SPECC1: variants seen among roughly 807,000 people sequenced by gnomAD.
The protein encoded by SPECC1 is sperm antigen with calponin homology and coiled-coil domains 1.
Under a neutral mutation model 104.1 loss-of-function variants are expected in SPECC1, and 62 were observed. The observed-to-expected ratio is 0.60, with a 90% CI of 0.49 to 0.74. The LOEUF (loss-of-function observed/expected upper bound fraction) is 0.74. Ranked by LOEUF, SPECC1 falls within the 30% of genes least tolerant of loss-of-function variation. The probability of loss-of-function intolerance (pLI) is 0.00; values close to 1 mark genes in which losing one functional copy is unlikely to be tolerated. For missense variants in SPECC1, 1,306 were observed against 1,310.5 expected (o/e 1.00, Z 0.05); for synonymous variants, 513 against 501.6 (o/e 1.02, Z -0.30).
chr17:20,108,072 T>C (rs955185992), intron 2 of SPECC1, among the ~76,000 whole-genome samples: 1 of 152,158 alleles, frequency 6.6e-6, no homozygotes, highest in Non-Finnish European at 1.5e-5. Context: ...GTTTAATGAG[T>C]AGACTTTATT....
chr17:20,163,129 A>G (rs951554705), intron 3 of SPECC1, among the ~76,000 whole-genome samples: 1 of 152,248 alleles, frequency 6.6e-6, no homozygotes, highest in Non-Finnish European at 1.5e-5. Flanking sequence ...AATAAATGTC[A>G]GTGGGTTAAG....
chr17:20,063,890 G>A (rs1469622356), intron 1 of SPECC1, among the ~76,000 whole-genome samples: 1 of 152,210 alleles, frequency 6.6e-6, no homozygotes, highest in Admixed American at 6.5e-5. Flanking sequence ...GCTTTGAGAG[G>A]TTTGAAAAGA....
chr17:20,021,591 G>T (rs1186304033), intron 1 of SPECC1, among the ~76,000 whole-genome samples: 1 of 150,836 alleles, frequency 6.6e-6, no homozygotes, highest in Non-Finnish European at 1.5e-5. Flanking sequence ...ACCAAGTACT[G>T]CCAGATTGCT....
At chr17:20,292,067 TC>T (rs1246590849) in intron 12 of SPECC1, among the ~76,000 whole-genome samples, 2 of 151,940 alleles carry the variant, frequency 1.3e-5, no homozygotes, top group Non-Finnish European at 2.9e-5. Context: ...TGGCTTGCTT[TC>T]TTCCAGGTCA....
At chr17:20,021,822 C>T (rs2044400936) in intron 1 of SPECC1, among the ~76,000 whole-genome samples, 1 of 147,978 alleles carries the variant, frequency 6.8e-6, no homozygotes, top group Non-Finnish European at 1.5e-5. Context: ...AGGCGTGAGC[C>T]ACTGCACCCG....
chr17:20,049,478 C>T (rs142628930), intron 1 of SPECC1, among the ~76,000 whole-genome samples: 21 of 152,244 alleles, frequency 1.4e-4, no homozygotes, highest in African/African-American at 5.1e-4. Flanking sequence ...TTTGTATTCT[C>T]TGTGAACTAC....
At chr17:20,194,558 G>C (rs1189373363) in intron 3 of SPECC1, among the ~76,000 whole-genome samples, 1 of 127,766 alleles carries the variant, frequency 7.8e-6, no homozygotes, top group Non-Finnish European at 1.6e-5. Flanking sequence ...CCAGGCTGGA[G>C]TGCAGTGACA....
chr17:20,053,659 A>G (rs1027570479), intron 1 of SPECC1, among the ~76,000 whole-genome samples: 1 of 152,314 alleles, frequency 6.6e-6, no homozygotes, highest in Non-Finnish European at 1.5e-5. Context: ...TTGGCAATGA[A>G]TTGAGATCTC....
At chr17:20,134,395 C>G (rs1326294945) in intron 3 of SPECC1, among the ~76,000 whole-genome samples, 1 of 151,886 alleles carries the variant, frequency 6.6e-6, no homozygotes, top group Non-Finnish European at 1.5e-5. Context: ...ACCAACCCAC[C>G]CCTCTGCATG....
chr17:20,249,846 G>A (rs986413607), intron 9 of SPECC1, among the ~76,000 whole-genome samples: 3 of 152,092 alleles, frequency 2.0e-5, no homozygotes, highest in Admixed American at 6.6e-5. Context: ...ATGTGTAATT[G>A]GAGTCCCCAA....
rs193028971 is a variant in SPECC1, at chr17:20,107,691, A to C, written c.148-2736A>C. Among the ~76,000 whole-genome samples, 645 of 151,914 alleles carry C rather than the reference A, an allele frequency of 4.2e-3. 5 individuals are homozygous for C. The highest frequency in any genetic ancestry group is 0.015 in the African/African-American group (612 of 41,424). ...AGGCTCATCTCGAACTCACCTGGCTAATTTTTGTATTTTTAGTAGAGATGG... is the reference window on the plus strand; with the variant it reads ...AGGCTCATCTCGAACTCACCTGGCTCATTTTTGTATTTTTAGTAGAGATGG... On this transcript the variant is annotated intron_variant, in intron 2 of 14. Transcript: ENST00000395527.
At chr17:20,295,609 T>C (rs898866370) in intron 12 of SPECC1, among the ~76,000 whole-genome samples, 6 of 152,246 alleles carry the variant, frequency 3.9e-5, no homozygotes, top group Non-Finnish European at 8.8e-5. Context: ...TCTTCCACAA[T>C]GGTTGAACTA....
intron 12 of SPECC1, among the ~76,000 whole-genome samples, chr17:20,282,903 G>A (rs769244455): frequency 1.1e-4 from 16 of 152,292 alleles, no homozygotes; most frequent in South Asian, 2.1e-4. Flanking sequence ...GGCTGGGTGC[G>A]TGCAGTGGCT....
chr17:20,306,658 G>A (rs774414655), intron 14 of SPECC1, among the ~76,000 whole-genome samples: 29 of 152,256 alleles, frequency 1.9e-4, no homozygotes, highest in Non-Finnish European at 2.9e-4. Flanking sequence ...GCGCACGTGC[G>A]CGCAGAGAGA....
intron 3 of SPECC1, among the ~76,000 whole-genome samples, chr17:20,119,850 A>AT (rs1342472142): frequency 1.3e-5 from 2 of 152,244 alleles, no homozygotes; most frequent in Non-Finnish European, 2.9e-5. Context: ...CAGGCTGAAC[A>AT]TCCCAAATCC....
At chr17:20,287,509 T>C (rs567640609) in intron 12 of SPECC1, among the ~76,000 whole-genome samples, 1 of 151,472 alleles carries the variant, frequency 6.6e-6, no homozygotes, top group Admixed American at 6.6e-5. Context: ...TCAATTCATC[T>C]CTTTTCTGCA....
chr17:20,092,379 T>A (rs891865112), intron 1 of SPECC1, among the ~76,000 whole-genome samples: 2 of 150,192 alleles, frequency 1.3e-5, no homozygotes, highest in Non-Finnish European at 3.0e-5. Flanking sequence ...CTAATTCATA[T>A]CCATAAGAAA....
chr17:20,243,712 T>G (rs967469017), intron 7 of SPECC1, among the ~76,000 whole-genome samples: 1 of 152,224 alleles, frequency 6.6e-6, no homozygotes, highest in Non-Finnish European at 1.5e-5. Context: ...ACCTGAAGCC[T>G]GAGGTAATTG....
chr17:20,287,584 C>G (rs1010002653), intron 12 of SPECC1, among the ~76,000 whole-genome samples: 1 of 152,162 alleles, frequency 6.6e-6, no homozygotes, highest in East Asian at 1.9e-4. Flanking sequence ...TACTGACCCC[C>G]TCGTTCCTGA....
Sources: allele counts gnomAD v4.1 joint callset (sites outside exome capture counted in the v4.1 genomes callset), GRCh38; gene constraint gnomAD v4.1.1; transcripts MANE v1.5; gene names NCBI Gene and HGNC (gene_info 2026-07-23, HGNC 2026-07-21).